LDB2: variants seen among roughly 807,000 people sequenced by gnomAD.
LDB2 encodes LIM domain-binding protein 2.
A neutral mutation model predicts 44.3 loss-of-function variants in LDB2; 12 were observed. The ratio of observed to expected loss-of-function variants is 0.27; its 90% CI spans 0.17 to 0.44. The LOEUF (loss-of-function observed/expected upper bound fraction) is 0.44, where lower values mean the gene tolerates loss of function less well. LDB2 is among the 20% of genes least tolerant of loss of function. LDB2 has a pLI of 1.00. For synonymous variants in LDB2, 164 were observed against 174.8 expected (o/e 0.94, Z 0.49); for missense variants, 344 against 473.5 (o/e 0.73, Z 2.54).
At chr4:16,592,430 T>C (rs1719333405) in intron 3 of LDB2, among the ~76,000 whole-genome samples, 2 of 148,270 alleles carry the variant, frequency 1.3e-5, no homozygotes, top group South Asian at 2.1e-4. Flanking sequence ...TTAGTGGTAC[T>C]GCATATGTAA....
At chr4:16,516,213 T>C (rs1445380762) in intron 5 of LDB2, among the ~76,000 whole-genome samples, 1 of 152,198 alleles carries the variant, frequency 6.6e-6, no homozygotes, top group Admixed American at 6.5e-5. Context: ...GGGTAAGTTA[T>C]TTAAAAACAC....
In LDB2 at chr4:16,830,115, G is replaced by GA. The variant is rs1013570347; in HGVS notation, c.132+68238dup. ...ACAGAGCAAGACTCCATCTCAAAAAGAAAAAAAAGAAGAAAAAGAGAAGAA... is the reference window on the plus strand; with the variant it reads ...ACAGAGCAAGACTCCATCTCAAAAAGAAAAAAAAAGAAGAAAAAGAGAAGAA... On this transcript the variant is annotated intron_variant, in intron 1 of 7. Transcript: ENST00000304523. 3.3e-5 allele frequency among the ~76,000 whole-genome samples: 5 copies of GA among 151,056 alleles called. No individual in the cohort carries two copies. In the East Asian group the frequency reaches 6.0e-4, roughly 18 times the overall value.
At chr4:16,711,913 A>G (rs1449560382) in intron 2 of LDB2, among the ~76,000 whole-genome samples, 1 of 152,230 alleles carries the variant, frequency 6.6e-6, no homozygotes, top group Non-Finnish European at 1.5e-5. Flanking sequence ...TTGAATCCCT[A>G]TCTTACATCA....
chr4:16,846,821 C>T lies in LDB2; in HGVS notation c.132+51533G>A, dbSNP rs1040656622. 5.9e-5 allele frequency among the ~76,000 whole-genome samples: 9 copies of T among 152,264 alleles called. 1 individual carries two copies. The East Asian group carries it at 9.6e-4, about 16-fold the overall frequency. ...AATGCAAAAGAGCAGGCAAAGAGTG[C>T]TTTGTCACAAAAATATATAATTTAT... On this transcript the variant is annotated intron_variant, in intron 1 of 7. Transcript: ENST00000304523.
chr4:16,695,328 C>T lies in LDB2; in HGVS notation c.235+63830G>A, dbSNP rs187232029. 9.4e-3 allele frequency among the ~76,000 whole-genome samples: 1,422 copies of T among 151,970 alleles called. 26 individuals are homozygous for T. The highest frequency in any genetic ancestry group is 0.032 in the African/African-American group (1,312 of 41,450). ...GGCGGATCACCTGAGGTCAGGAGTT[C>T]GAGACCAGCCTGGCCAACATGGTGA... On this transcript the variant is annotated intron_variant, in intron 2 of 7. Coordinates refer to ENST00000304523, the MANE Select transcript of LDB2 (RefSeq NM_001290.5).
At chr4:16,514,714 A>T (rs1367719602) in intron 5 of LDB2, among the ~76,000 whole-genome samples, 1 of 152,206 alleles carries the variant, frequency 6.6e-6, no homozygotes, top group Admixed American at 6.5e-5. Flanking sequence ...GGGCCAAGAC[A>T]CCAACCCTAA....
At chr4:16,619,786 G>A (rs891456978) in intron 2 of LDB2, among the ~76,000 whole-genome samples, 3 of 141,390 alleles carry the variant, frequency 2.1e-5, no homozygotes, top group Non-Finnish European at 4.6e-5. Flanking sequence ...AGTTGCTAGT[G>A]GATATCTCTG....
At chr4:16,825,345 T>A (rs1782854847) in intron 1 of LDB2, among the ~76,000 whole-genome samples, 1 of 152,140 alleles carries the variant, frequency 6.6e-6, no homozygotes, top group African/African-American at 2.4e-5. Flanking sequence ...AAGCTAGGGT[T>A]TTCCAGGTTA....
chr4:16,751,754 A>C (rs1765533788), intron 2 of LDB2, among the ~76,000 whole-genome samples: 1 of 152,220 alleles, frequency 6.6e-6, no homozygotes, highest in South Asian at 2.1e-4. Context: ...GCAATGTCTG[A>C]CAAACAGCAA....
At chr4:16,834,562 C>T (rs138821523) in intron 1 of LDB2, among the ~76,000 whole-genome samples, 2,035 of 152,292 alleles carry the variant, frequency 0.013, 54 homozygotes, top group African/African-American at 0.046. Flanking sequence ...GGCACGGTGG[C>T]TCAAGCCTGT....
intron 1 of LDB2, among the ~76,000 whole-genome samples, chr4:16,823,552 C>T (rs993559763): frequency 1.3e-5 from 2 of 152,104 alleles, no homozygotes; most frequent in Admixed American, 1.3e-4. Context: ...GAAAATAAAA[C>T]ACAAAGCTTA....
At chr4:16,660,363 C>T (rs554539537) in intron 2 of LDB2, among the ~76,000 whole-genome samples, 108 of 152,230 alleles carry the variant, frequency 7.1e-4, no homozygotes, top group Non-Finnish European at 1.2e-3. Flanking sequence ...ACTCAATGTC[C>T]ATACTTAGAA....
rs183034392 is a variant in LDB2 at position 16,793,563 on chromosome 4, T to G, written c.133-34303A>C. Reference sequence around the variant, plus strand: ...TTCTCATGTTAAAGGGTTTTTGTCTTTTAAGCAGCCATTTATACATACAAA... The same window carrying G: ...TTCTCATGTTAAAGGGTTTTTGTCTGTTAAGCAGCCATTTATACATACAAA... On this transcript the variant is annotated intron_variant, in intron 1 of 7. Coordinates refer to ENST00000304523, the MANE Select transcript of LDB2 (RefSeq NM_001290.5). Among the ~76,000 whole-genome samples the G allele has an allele frequency of 4.6e-5, 7 of 152,322 alleles. No individual in the cohort carries two copies. In the East Asian group the frequency reaches 1.2e-3, roughly 25 times the overall value.
chr4:16,754,810 G>A (rs909908685), intron 2 of LDB2, among the ~76,000 whole-genome samples: 5 of 152,142 alleles, frequency 3.3e-5, no homozygotes, highest in Admixed American at 1.3e-4. Flanking sequence ...GGGATTACAG[G>A]CGTTAGCCAC....
intron 2 of LDB2, among the ~76,000 whole-genome samples, chr4:16,638,902 T>C (rs756443015): frequency 1.3e-5 from 2 of 152,146 alleles, no homozygotes; most frequent in Non-Finnish European, 2.9e-5. Flanking sequence ...AATCTCCAAT[T>C]TGGAATCGGT....
intron 5 of LDB2, among the ~76,000 whole-genome samples, chr4:16,543,974 T>G (rs1577537710): frequency 6.6e-6 from 1 of 152,194 alleles, no homozygotes; most frequent in Non-Finnish European, 1.5e-5. Flanking sequence ...TCCTAATAAT[T>G]ACTCCATACC....
At chr4:16,660,076 C>T (rs1741129145) in intron 2 of LDB2, among the ~76,000 whole-genome samples, 1 of 152,132 alleles carries the variant, frequency 6.6e-6, no homozygotes. Context: ...CTGCTACTGG[C>T]ATCTCAGGGG....
At chr4:16,552,542 A>C (rs991497784) in intron 5 of LDB2, among the ~76,000 whole-genome samples, 1 of 152,148 alleles carries the variant, frequency 6.6e-6, no homozygotes, top group African/African-American at 2.4e-5. Flanking sequence ...CCTCAGAGAT[A>C]GTTCTAAAAT....
chr4:16,850,063 T>C (rs1787875131), intron 1 of LDB2, among the ~76,000 whole-genome samples: 2 of 152,190 alleles, frequency 1.3e-5, no homozygotes, highest in African/African-American at 4.8e-5. Context: ...TGATATGCTA[T>C]AAACATCTTT....
Sources: gnomAD v4.1 joint callset for allele counts (sites outside exome capture counted in the v4.1 genomes callset) on GRCh38, gnomAD v4.1.1 for gene constraint, MANE v1.5 for transcripts, NCBI Gene and HGNC (gene_info 2026-07-23, HGNC 2026-07-21) for gene names.